The following CDH4 variants were observed in gnomAD, a reference collection of about 807,000 sequenced individuals.
CDH4 encodes cadherin-4.
Under a neutral mutation model 86.0 loss-of-function variants are expected in CDH4, and 33 were observed. The observed-to-expected ratio is 0.38, with a 90% confidence interval of 0.29 to 0.51. The LOEUF (loss-of-function observed/expected upper bound fraction) is 0.51, where lower values mean the gene tolerates loss of function less well. CDH4 is among the 20% of genes least tolerant of loss of function. The pLI is 0.86. For synonymous variants in CDH4, 555 were observed against 549.4 expected (o/e 1.01, Z -0.14); for missense variants, 1,114 against 1,307.4 (o/e 0.85, Z 2.28).
intron 2 of CDH4, among the ~76,000 whole-genome samples, chr20:61,643,462 A>G (rs1018128140): frequency 2.6e-5 from 4 of 152,348 alleles, no homozygotes; most frequent in African/African-American, 9.6e-5. Context: ...GATTAGGGCA[A>G]GGCCACTAGG....
chr20:61,921,938 A>G (rs1474743206), intron 9 of CDH4, among the ~76,000 whole-genome samples: 2 of 152,006 alleles, frequency 1.3e-5, no homozygotes, highest in Non-Finnish European at 2.9e-5. Flanking sequence ...TACAAATCAT[A>G]TTTTTCTCTC....
intron 2 of CDH4, among the ~76,000 whole-genome samples, chr20:61,620,158 A>ATGGATGGATGGATGGATGGGTGGGTGGG: frequency 8.0e-6 from 1 of 125,110 alleles, no homozygotes; most frequent in Non-Finnish European, 1.6e-5. Flanking sequence ...GATGGTTTGG[A>ATGGATGGATGGATGGATGGGTGGGTGGG]TGGATGGATG....
At chr20:61,865,115 G>GC (rs1033173804) in intron 6 of CDH4, among the ~76,000 whole-genome samples, 3 of 151,038 alleles carry the variant, frequency 2.0e-5, no homozygotes, top group Admixed American at 6.6e-5. Flanking sequence ...CCCTGCCCCT[G>GC]CCCCCCAACA....
At chr20:61,702,380 G>A (rs560434983) in intron 2 of CDH4, among the ~76,000 whole-genome samples, 36 of 152,316 alleles carry the variant, frequency 2.4e-4, no homozygotes, top group African/African-American at 8.7e-4. Flanking sequence ...CAGGAGCCAC[G>A]TAATGGGTCC....
chr20:61,317,274 G>C (rs182621215), intron 2 of CDH4, among the ~76,000 whole-genome samples: 2 of 152,182 alleles, frequency 1.3e-5, no homozygotes, highest in Admixed American at 1.3e-4. Context: ...GCAGTGACTT[G>C]ATCTTGGCTC....
At chr20:61,490,734 G>A (rs1187718259) in intron 2 of CDH4, among the ~76,000 whole-genome samples, 1 of 152,134 alleles carries the variant, frequency 6.6e-6, no homozygotes, top group Non-Finnish European at 1.5e-5. Flanking sequence ...CTCTGGCAGT[G>A]GTGGGAGTCG....
At chr20:61,885,430 C>T (rs546053183) in intron 7 of CDH4, among the ~76,000 whole-genome samples, 32 of 152,338 alleles carry the variant, frequency 2.1e-4, no homozygotes, top group African/African-American at 7.5e-4. Context: ...TGGTGTCTCT[C>T]ACCGAGCGTC....
intron 2 of CDH4, among the ~76,000 whole-genome samples, chr20:61,330,633 G>A (rs959383005): frequency 3.3e-5 from 5 of 152,196 alleles, no homozygotes; most frequent in Non-Finnish European, 7.4e-5. Flanking sequence ...TGGTGCCTGC[G>A]GCTGGCTGGG....
intron 2 of CDH4, among the ~76,000 whole-genome samples, chr20:61,534,464 C>G (rs2085979013): frequency 6.6e-6 from 1 of 152,038 alleles, no homozygotes; most frequent in Non-Finnish European, 1.5e-5. Context: ...GGTAAAATAG[C>G]AAATCACAGG....
At position 61,392,156 on chromosome 20, in the gene CDH4, G is replaced by A. The variant is rs1326298852; in HGVS notation, c.169+137219G>A. ...AGCCCGTGCTGCAGGAGGTGAACCC[G>A]GGCATGTGACACGGTCACAGGGACT... On this transcript the variant is annotated intron_variant, in intron 2 of 15. Coordinates refer to ENST00000614565, the MANE Select transcript of CDH4 (RefSeq NM_001794.5). This position sits in a 1 kb window ranked among gnomAD's most constrained non-coding sequence, Gnocchi z 5.7. Among the ~76,000 whole-genome samples, 2 of 151,706 alleles carry A rather than the reference G, an allele frequency of 1.3e-5. No homozygotes were observed. Among genetic ancestry groups the A allele is most frequent in the African/African-American group, 2.4e-5 (1 of 41,294 alleles).
chr20:61,798,877 C>T (rs1361238870), intron 4 of CDH4, among the ~76,000 whole-genome samples: 3 of 152,200 alleles, frequency 2.0e-5, no homozygotes, highest in African/African-American at 7.2e-5. Flanking sequence ...TGCGTCCTTT[C>T]CAAACTGGCA....
chr20:61,431,377 T>TTTTTA (rs2085245701), intron 2 of CDH4, among the ~76,000 whole-genome samples: 1 of 148,622 alleles, frequency 6.7e-6, no homozygotes, highest in African/African-American at 2.5e-5. Flanking sequence ...TTTTTTTTTT[T>TTTTTA]GAGACAGGGT....
At chr20:61,565,351 GGTGATGGGGTGA>G (rs2086284970) in intron 2 of CDH4, among the ~76,000 whole-genome samples, 1 of 56,924 alleles carries the variant, frequency 1.8e-5, no homozygotes, top group Non-Finnish European at 3.5e-5. Flanking sequence ...TGGTCCTCTT[GGTGATGGGGTGA>G]TGGTGGTGGT....
chr20:61,751,719 G>T (rs2088499009), intron 3 of CDH4, among the ~76,000 whole-genome samples: 1 of 152,154 alleles, frequency 6.6e-6, no homozygotes, highest in African/African-American at 2.4e-5. Context: ...CCTCAATTTT[G>T]CCCCTTAACC....
intron 2 of CDH4, among the ~76,000 whole-genome samples, chr20:61,288,839 G>A (rs764956101): frequency 6.6e-6 from 1 of 152,220 alleles, no homozygotes; most frequent in Non-Finnish European, 1.5e-5. Context: ...TGTGTTGGGA[G>A]GTTCAAGGGT....
At chr20:61,359,178 A>G (rs1233437925) in intron 2 of CDH4, among the ~76,000 whole-genome samples, 1 of 152,182 alleles carries the variant, frequency 6.6e-6, no homozygotes, top group Admixed American at 6.5e-5. Context: ...TTTAATAAAT[A>G]AACAATGAAC....
At chr20:61,654,025 C>T (rs1368360182) in intron 2 of CDH4, among the ~76,000 whole-genome samples, 15 of 151,892 alleles carry the variant, frequency 9.9e-5, no homozygotes, top group South Asian at 2.1e-4. Context: ...GACAGGGTGG[C>T]GGCCGGGCAG....
At chr20:61,761,392 T>C (rs1433344817) in intron 3 of CDH4, among the ~76,000 whole-genome samples, 4 of 152,232 alleles carry the variant, frequency 2.6e-5, no homozygotes, top group African/African-American at 9.6e-5. Flanking sequence ...TGTACGTTCA[T>C]AATGCAGGCA....
intron 3 of CDH4, among the ~76,000 whole-genome samples, chr20:61,752,329 CA>C (rs34828485): frequency 0.19 from 16,181 of 83,212 alleles, 638 homozygotes; most frequent in East Asian, 0.42. Context: ...AAAAGCCTGT[CA>C]AAAAAAAAAA....
Sources: allele counts gnomAD v4.1 joint callset (sites outside exome capture counted in the v4.1 genomes callset), GRCh38; gene constraint gnomAD v4.1.1; non-coding constraint Gnocchi (gnomAD v3.1); transcripts MANE v1.5; gene names NCBI Gene and HGNC (gene_info 2026-07-23, HGNC 2026-07-21).